Variants in RARB observed in about 807,000 individuals in gnomAD.
RARB encodes the protein retinoic acid receptor beta.
A neutral mutation model predicts 51.9 loss-of-function variants in RARB; 17 were observed. That is an observed-to-expected ratio of 0.33 (90% CI 0.22 to 0.49). The LOEUF (loss-of-function observed/expected upper bound fraction) is 0.49, where lower values mean the gene tolerates loss of function less well. Among genes scored for constraint, RARB ranks in the 20% least tolerant of loss-of-function variants. RARB has a pLI of 0.99. For missense variants in RARB, 369 were observed against 550.8 expected (o/e 0.67, Z 3.30); for synonymous variants, 215 against 195.4 (o/e 1.10, Z -0.84).
At chr3:25,329,056 T>C (rs1704812115) in intron 5 of RARB, among the ~76,000 whole-genome samples, 1 of 152,102 alleles carries the variant, frequency 6.6e-6, no homozygotes, top group Non-Finnish European at 1.5e-5. Context: ...CCACTGCAGC[T>C]CAAGGAGGCC....
chr3:24,837,700 G>A (rs949711739), intron 1 of RARB, among the ~76,000 whole-genome samples: 2 of 152,010 alleles, frequency 1.3e-5, no homozygotes, highest in African/African-American at 2.4e-5. Context: ...GGCACAGATC[G>A]AAAACTAGTA....
At chr3:25,170,994 G>A (rs796420504) in intron 4 of RARB, among the ~76,000 whole-genome samples, 8 of 151,720 alleles carry the variant, frequency 5.3e-5, no homozygotes, top group South Asian at 2.1e-4. Flanking sequence ...CAACTATACC[G>A]ACAATTATTA....
At chr3:24,898,128 T>G (rs964208549) in intron 2 of RARB, among the ~76,000 whole-genome samples, 14 of 152,052 alleles carry the variant, frequency 9.2e-5, no homozygotes, top group African/African-American at 3.1e-4. Context: ...AGCCCGGAGT[T>G]TGAGTCCACA....
intron 5 of RARB, among the ~76,000 whole-genome samples, chr3:25,257,582 A>C (rs985671273): frequency 6.6e-6 from 1 of 152,084 alleles, no homozygotes; most frequent in Non-Finnish European, 1.5e-5. Context: ...ATATGGAGTC[A>C]GTTTCATCAG....
chr3:24,875,351 C>T (rs1703022660), intron 2 of RARB, among the ~76,000 whole-genome samples: 1 of 152,112 alleles, frequency 6.6e-6, no homozygotes, highest in African/African-American at 2.4e-5. Context: ...GTGGTCTGTA[C>T]AGTAATTTAG....
chr3:24,984,305 G>T (rs975663240), intron 2 of RARB, among the ~76,000 whole-genome samples: 3 of 152,186 alleles, frequency 2.0e-5, no homozygotes, highest in Non-Finnish European at 4.4e-5. Flanking sequence ...TACTACTAAA[G>T]TAGGTTTGTG....
intron 3 of RARB, among the ~76,000 whole-genome samples, chr3:25,116,110 C>T (rs1699683502): frequency 6.6e-6 from 1 of 152,166 alleles, no homozygotes; most frequent in Admixed American, 6.6e-5. Flanking sequence ...TTGTATTCTA[C>T]CAGTTCATTT....
intron 3 of RARB, among the ~76,000 whole-genome samples, chr3:25,106,434 C>G (rs954321218): frequency 6.8e-6 from 1 of 147,146 alleles, no homozygotes; most frequent in Non-Finnish European, 1.5e-5. Context: ...TACCACCATG[C>G]CCAGCTACTG....
intron 3 of RARB, among the ~76,000 whole-genome samples, chr3:25,062,653 C>G (rs1198366180): frequency 6.6e-6 from 1 of 151,702 alleles, no homozygotes; most frequent in African/African-American, 2.4e-5. Context: ...GTGAAAGAAG[C>G]CAGTGCAAAA....
chr3:25,347,562 CAA>C (rs1006769917), intron 5 of RARB, among the ~76,000 whole-genome samples: 1 of 152,152 alleles, frequency 6.6e-6, no homozygotes. Flanking sequence ...TCACTTTGTG[CAA>C]ACTTATTTTT....
intron 5 of RARB, among the ~76,000 whole-genome samples, chr3:25,176,330 TTTCTTTCCTTCCTTCCTTCCTTCC>T (rs1700745649): frequency 2.0e-5 from 1 of 50,310 alleles, no homozygotes; most frequent in African/African-American, 6.5e-5. Context: ...TCTTTCTTTC[TTTCTTTCCTTCCTTCCTTCCTTCC>T]TTCCTTCCTT....
intron 2 of RARB, among the ~76,000 whole-genome samples, chr3:24,952,783 C>A (rs763991967): frequency 6.6e-6 from 1 of 152,098 alleles, no homozygotes; most frequent in African/African-American, 2.4e-5. Flanking sequence ...AAACATCAAA[C>A]CCAATCCTCA....
At chr3:24,848,393 C>G (rs1055783482) in intron 1 of RARB, among the ~76,000 whole-genome samples, 1 of 152,064 alleles carries the variant, frequency 6.6e-6, no homozygotes, top group Non-Finnish European at 1.5e-5. Flanking sequence ...AATCCAAATA[C>G]TGTCTCTCTT....
At chr3:25,327,318 T>C (rs1305102796) in intron 5 of RARB, among the ~76,000 whole-genome samples, 4 of 152,080 alleles carry the variant, frequency 2.6e-5, no homozygotes, top group Admixed American at 2.0e-4. Context: ...TTGAAAAATT[T>C]TTTAAAAAGA....
At chr3:24,939,275 A>G (rs527584606) in intron 2 of RARB, among the ~76,000 whole-genome samples, 8 of 152,310 alleles carry the variant, frequency 5.3e-5, no homozygotes, top group Admixed American at 2.0e-4. Flanking sequence ...TGCTTCCGTG[A>G]ACTTTTATGT....
intron 1 of RARB, among the ~76,000 whole-genome samples, chr3:25,440,205 C>T (rs1366456888): frequency 6.6e-6 from 1 of 152,092 alleles, no homozygotes; most frequent in Non-Finnish European, 1.5e-5. Flanking sequence ...AATTCTAGCA[C>T]TTCAGGAGGC....
At position 25,054,340 on chromosome 3, in the gene RARB, TGGG is replaced by T. The variant is rs146154987; in HGVS notation, c.-379-5782_-379-5780del. ...CTTAAGAAATTGATTGTGTACTAGT[TGGG>T]GGAGCCATGTGAATGCCTCTAAATC... On this transcript the variant is annotated intron_variant, in intron 2 of 11. Transcript: ENST00000383772. Among the ~76,000 whole-genome samples, 688 of 152,218 alleles carry T rather than the reference TGGG, an allele frequency of 4.5e-3. 5 individuals are homozygous for T. Among genetic ancestry groups the T allele is most frequent in the African/African-American group, 0.016 (651 of 41,520 alleles).
chr3:25,316,382 C>T (rs1704425521), intron 5 of RARB, among the ~76,000 whole-genome samples: 1 of 150,650 alleles, frequency 6.6e-6, no homozygotes, highest in African/African-American at 2.4e-5. Flanking sequence ...TGCAATAAGG[C>T]CAAATTATTA....
intron 5 of RARB, among the ~76,000 whole-genome samples, chr3:25,255,365 T>G (rs540046898): frequency 6.6e-6 from 1 of 152,316 alleles, no homozygotes; most frequent in East Asian, 1.9e-4. Flanking sequence ...CCTCATACCT[T>G]GAACATCATT....
Sources: allele counts gnomAD v4.1 joint callset (sites outside exome capture counted in the v4.1 genomes callset), GRCh38; gene constraint gnomAD v4.1.1; transcripts MANE v1.5; gene names NCBI Gene and HGNC (gene_info 2026-07-23, HGNC 2026-07-21).